The following HTR2A variants were observed in gnomAD, a reference collection of about 807,000 sequenced individuals.
HTR2A encodes 5-hydroxytryptamine receptor 2A.
HTR2A carries 14 observed loss-of-function variants against 31.0 expected under a neutral mutation model. The observed-to-expected ratio is 0.45, with a 90% CI of 0.30 to 0.71. The LOEUF (loss-of-function observed/expected upper bound fraction) is 0.71. Among genes scored for constraint, HTR2A ranks in the 30% least tolerant of loss-of-function variants. The pLI is 0.09. For missense variants in HTR2A, 442 were observed against 573.3 expected (o/e 0.77, Z 2.34); for synonymous variants, 209 against 225.2 (o/e 0.93, Z 0.64).
rs1400763938 is a variant in HTR2A at position 46,885,875 on chromosome 13, T to C, written c.613+6515A>G. Among the ~76,000 whole-genome samples, 4 of 152,272 alleles carry C rather than the reference T, an allele frequency of 2.6e-5. 1 individual carries two copies. Among genetic ancestry groups the C allele is most frequent in the Non-Finnish European group, 5.9e-5 (4 of 68,054 alleles). On this transcript the variant is annotated intron_variant, in intron 3 of 3. Transcript: ENST00000542664. ...AAGTTTTATTGTCCATTTCAAGTTA[T>C]GTTTCTGTGAATTGCCTGAAATTTT...
intron 3 of HTR2A, among the ~76,000 whole-genome samples, chr13:46,868,076 T>A (rs2138223239): frequency 6.6e-6 from 1 of 152,342 alleles, no homozygotes; most frequent in African/African-American, 2.4e-5. Flanking sequence ...GATAATATTG[T>A]GAATTTAATT....
chr13:46,840,003 C>G (rs1186355846), intron 3 of HTR2A, among the ~76,000 whole-genome samples: 3 of 152,104 alleles, frequency 2.0e-5, no homozygotes, highest in Admixed American at 6.6e-5. Flanking sequence ...GGGAACAGGA[C>G]AGTGGCAGTC....
At chr13:46,848,304 A>C (rs1418596759) in intron 3 of HTR2A, among the ~76,000 whole-genome samples, 1 of 152,224 alleles carries the variant, frequency 6.6e-6, no homozygotes, top group Non-Finnish European at 1.5e-5. Context: ...AGAAAGATGC[A>C]CTGAGTTCAG....
intron 3 of HTR2A, chr13:46,856,180 A>G (rs2760351): frequency 0.67 from 102,538 of 152,106 alleles, 35,215 homozygotes; most frequent in East Asian, 0.99. Context: ...GTAAGAGTAC[A>G]CAATTTAAAT....
At chr13:46,876,400 ATATATTTT>A (rs1376165181) in intron 3 of HTR2A, among the ~76,000 whole-genome samples, 15 of 80,650 alleles carry the variant, frequency 1.9e-4, no homozygotes, top group African/African-American at 6.4e-4. Context: ...ATATATATAT[ATATATTTT>A]TTTTTTTTTT....
intron 3 of HTR2A, among the ~76,000 whole-genome samples, chr13:46,859,472 T>C (rs892425255): frequency 3.9e-5 from 6 of 152,110 alleles, no homozygotes; most frequent in African/African-American, 1.4e-4. Flanking sequence ...CCTGCTCAAA[T>C]CTCCTGTGAA....
At chr13:46,859,736 C>A (rs1326141439) in intron 3 of HTR2A, among the ~76,000 whole-genome samples, 1 of 152,136 alleles carries the variant, frequency 6.6e-6, no homozygotes, top group Admixed American at 6.5e-5. Context: ...TCCTGTACAG[C>A]CTGCAGAACC....
intron 2 of HTR2A, 68 bp from the exon 3 acceptor site, chr13:46,892,658 A>G (rs1468893902): frequency 1.2e-5 from 16 of 1,323,090 alleles, no homozygotes; most frequent in Non-Finnish European, 1.2e-5. Flanking sequence ...TCCCTATCCT[A>G]TGACAATTTC....
chr13:46,836,224 A>G (rs1876449017), intron 3 of HTR2A, among the ~76,000 whole-genome samples: 1 of 151,934 alleles, frequency 6.6e-6, no homozygotes, highest in African/African-American at 2.4e-5. Flanking sequence ...AGCATGGCTT[A>G]TATATAAAAA....
intron 3 of HTR2A, among the ~76,000 whole-genome samples, chr13:46,859,555 C>A (rs1950764854): frequency 6.6e-6 from 1 of 151,990 alleles, no homozygotes; most frequent in Non-Finnish European, 1.5e-5. Context: ...TGATGGTTTA[C>A]CACCATCCCC....
chr13:46,856,944 G>A (rs192046426), intron 3 of HTR2A, among the ~76,000 whole-genome samples: 15 of 152,242 alleles, frequency 9.9e-5, no homozygotes. Flanking sequence ...GGGAGCCCTA[G>A]CATCTTCATC....
At chr13:46,886,058 T>TA (rs1259809648) in intron 3 of HTR2A, among the ~76,000 whole-genome samples, 10 of 152,354 alleles carry the variant, frequency 6.6e-5, no homozygotes, top group South Asian at 6.2e-4. Context: ...GTATCAAACT[T>TA]ATATAACTGT....
chr13:46,836,667 T>G (rs781054005), intron 3 of HTR2A, among the ~76,000 whole-genome samples: 8 of 152,118 alleles, frequency 5.3e-5, no homozygotes, highest in Non-Finnish European at 1.0e-4. Context: ...GATTATCAGC[T>G]CAAGCCCAAT....
intron 3 of HTR2A, among the ~76,000 whole-genome samples, chr13:46,865,205 C>T (rs967909562): frequency 6.6e-6 from 1 of 152,062 alleles, no homozygotes; most frequent in African/African-American, 2.4e-5. Flanking sequence ...TGGTCTGCAG[C>T]TTTAATTTAA....
chr13:46,838,648 C>T (rs902681780), intron 3 of HTR2A, among the ~76,000 whole-genome samples: 2 of 152,028 alleles, frequency 1.3e-5, no homozygotes, highest in Admixed American at 6.6e-5. Context: ...GCCAGGGTGA[C>T]GCCGGGTCTT....
chr13:46,851,682 A>G (rs1470976009), intron 3 of HTR2A, among the ~76,000 whole-genome samples: 1 of 152,238 alleles, frequency 6.6e-6, no homozygotes, highest in Admixed American at 6.5e-5. Context: ...GATCCAGCCA[A>G]ATAAGCTGCA....
chr13:46,873,431 TTA>T, intron 3 of HTR2A, among the ~76,000 whole-genome samples: 1 of 26,004 alleles, frequency 3.8e-5, no homozygotes, highest in African/African-American at 1.3e-4. Flanking sequence ...ATAAAATTTA[TTA>T]TTATTATTAT....
Position 46,896,088 on chromosome 13 carries a change from G to A in HTR2A, c.-182C>T. 1 of 1,331,492 alleles carries A rather than the reference G, an allele frequency of 7.5e-7. No individual in the cohort carries two copies. Among genetic ancestry groups the A allele is most frequent in the East Asian group, 2.8e-5 (1 of 35,718 alleles). 82.5% of individuals were successfully genotyped at this position (1,331,492 alleles called of 1,614,324 possible). On this transcript the variant is annotated 5_prime_UTR_variant, in exon 2 of 4. Coordinates refer to ENST00000542664, the MANE Select transcript of HTR2A (RefSeq NM_000621.5). ...GATAGTTAAAGAACTGAACTGTGGTGGCTGTAAGTTTTCTTCATTCACAAT... is the reference window on the plus strand; with the variant it reads ...GATAGTTAAAGAACTGAACTGTGGTAGCTGTAAGTTTTCTTCATTCACAAT...
At chr13:46,897,478 A>C (rs1021379130), upstream of HTR2A, among the ~76,000 whole-genome samples, 1 of 152,170 alleles carries the variant, frequency 6.6e-6, no homozygotes, top group East Asian at 1.9e-4. Context: ...TATTTAATAG[A>C]TACACCATTG....
Sources: allele counts gnomAD v4.1 joint callset (sites outside exome capture counted in the v4.1 genomes callset), GRCh38; gene constraint gnomAD v4.1.1; transcripts MANE v1.5; gene names NCBI Gene and HGNC (gene_info 2026-07-23, HGNC 2026-07-21).